FASN: variants seen among roughly 807,000 people sequenced by gnomAD.
FASN encodes fatty acid synthase, also known as 3-hydroxyacyl-[acyl-carrier-protein] dehydratase.
A neutral mutation model predicts 250.0 loss-of-function variants in FASN; 50 were observed. The ratio of observed to expected loss-of-function variants is 0.20; its 90% CI spans 0.16 to 0.25. The LOEUF (loss-of-function observed/expected upper bound fraction) is 0.25. FASN is among the 10% of genes least tolerant of loss of function. The pLI is 1.00. For missense variants in FASN, 3,031 were observed against 3,498.5 expected, an observed-to-expected ratio of 0.87 and a Z score of 3.37; for synonymous variants, 1,909 against 1,584.0, an observed-to-expected ratio of 1.21 and a Z score of -4.87.
At chr17:82,089,574 C>A in intron 12 of FASN, 58 bp downstream of exon 12, 1 of 1,554,688 alleles carries the variant, frequency 6.4e-7, no homozygotes, top group Admixed American at 1.9e-5. Flanking sequence ...GTGTCCCTGC[C>A]AGACTTGCAA....
In FASN at chr17:82,082,999, A is replaced by T. The variant is rs2034018912; in HGVS notation, c.5682T>A (p.Gly1894=). The change falls in exon 33 of 43, where the codon GGT becomes GGA. Residue 1894 remains glycine (G), a synonymous_variant. Coordinates refer to ENST00000306749, the MANE Select transcript of FASN (RefSeq NM_004104.5). ...HKSYIIAGGL[G]GFGLELAQWL... ...ACTGCGCCAACTCCAGGCCGAAGCC[A>T]CCCAGACCACCAGCGATGATGTAGC... 2 of 1,612,882 alleles carry T rather than the reference A, an allele frequency of 1.2e-6. No individual in the cohort carries two copies. The highest frequency in any genetic ancestry group is 4.5e-5 in the East Asian group (2 of 44,872).
In FASN at chr17:82,083,331, C is replaced by G; in HGVS notation, c.5436G>C (p.Ala1812=). The G allele has an allele frequency of 6.2e-7, 1 of 1,612,654 alleles. No homozygotes were observed. The highest frequency in any genetic ancestry group is 8.5e-7 in the Non-Finnish European group (1 of 1,179,970). The part of the protein sequence containing the change: ...ESSADWREVW[A]LVQAGIRDGV... ...CATCCCGGATGCCGGCCTGCACAAG[C>G]GCCCACACCTCCCGCCAGTCAGCAC... is the stretch of plus-strand genomic sequence containing the variant. The change falls in exon 32 of 43, where the codon GCG becomes GCC. Residue 1812 remains alanine (A), a synonymous_variant. Transcript: ENST00000306749.
At position 82,084,218 on chromosome 17, in the gene FASN, C is replaced by T. The variant is rs1363758245; in HGVS notation, c.4919+16G>A. Reference sequence around the variant, plus strand: ...CATCCACGTGGGGCCCAGGCTCACACCCTCGACACACTCACCAGTTGGAAG... The same window carrying T: ...CATCCACGTGGGGCCCAGGCTCACATCCTCGACACACTCACCAGTTGGAAG... On this transcript the variant is annotated intron_variant, in intron 28 of 42. Coordinates refer to ENST00000306749, the MANE Select transcript of FASN (RefSeq NM_004104.5). The T allele has an allele frequency of 1.9e-6, 3 of 1,610,926 alleles. No homozygotes were observed. The highest frequency in any genetic ancestry group is 1.7e-5 in the Admixed American group (1 of 59,832).
chr17:82,080,014 G>A (rs993757477), intron 41 of FASN, 126 bp downstream of exon 41: 22 of 1,055,130 alleles, frequency 2.1e-5, no homozygotes, highest in Admixed American at 5.4e-5. Flanking sequence ...GGCCGGGATC[G>A]GCTATTAAAG....
chr17:82,084,698 G>C lies in FASN; in HGVS notation c.4583C>G (p.Thr1528Arg). ...LLEEDKPEEP[T>R]AHAFVSTLTR... ...GAGGGTGCTCACAAAGGCATGTGCC[G>C]TCGGCTCCTCAGGCTTGTCTAGGGA... The change falls in exon 27 of 43, where the codon ACG becomes AGG. Residue 1528 changes from threonine (T) to arginine (R), a missense_variant. By Grantham distance (71) the Thr-to-Arg change is moderately conservative. Transcript: ENST00000306749. The C allele has an allele frequency of 6.4e-7, 1 of 1,568,874 alleles. No individual in the cohort carries two copies. Among genetic ancestry groups the C allele is most frequent in the South Asian group, 1.2e-5 (1 of 85,938 alleles).
chr17:82,080,323 G>T, intron 40 of FASN, 47 bp downstream of exon 40: 1 of 1,609,794 alleles, frequency 6.2e-7, no homozygotes, highest in Non-Finnish European at 8.5e-7. Context: ...CACAGGTGGG[G>T]AGCCCAGACG....
chr17:82,085,407 G>C lies in FASN; in HGVS notation c.4123-5C>G. Reference sequence around the variant, plus strand: ...GAAGAGGCTCTCCCACGCGTCCTGTGGGGGCGGTGGTCAGCACCCTGCCCG... The same window carrying C: ...GAAGAGGCTCTCCCACGCGTCCTGTCGGGGCGGTGGTCAGCACCCTGCCCG... On this transcript the variant is annotated splice_polypyrimidine_tract_variant and splice_region_variant and intron_variant, in intron 23 of 42. Transcript: ENST00000306749. The C allele has an allele frequency of 6.2e-7, 1 of 1,608,704 alleles. No homozygotes were observed. The highest frequency in any genetic ancestry group is 8.5e-7 in the Non-Finnish European group (1 of 1,178,386).
rs770062026 is a variant in FASN at position 82,084,613 on chromosome 17, G to A, written c.4668C>T (p.Pro1556=). The A allele has an allele frequency of 1.9e-6, 3 of 1,608,446 alleles. No individual in the cohort carries two copies. The highest frequency in any genetic ancestry group is 2.5e-6 in the Non-Finnish European group (3 of 1,178,202). ...WVCSSLRHAQ[P]TCPGAQLCTV... ...TGCAGAGCTGGGCGCCAGGGCAGGTGGGCTGGGCATGGCGCAGCGAGGAGC... is the reference window on the plus strand; with the variant it reads ...TGCAGAGCTGGGCGCCAGGGCAGGTAGGCTGGGCATGGCGCAGCGAGGAGC... The change falls in exon 27 of 43, where the codon CCC becomes CCT. Residue 1556 remains proline (P), a synonymous_variant. Transcript: ENST00000306749.
chr17:82,091,900 C>T (rs993942304), intron 8 of FASN, among the ~76,000 whole-genome samples: 17 of 152,208 alleles, frequency 1.1e-4, no homozygotes, highest in African/African-American at 2.9e-4. Flanking sequence ...CCTCCCCTTC[C>T]GGCCTTGCTG....
Position 82,085,118 on chromosome 17 carries a change from C to A in FASN, c.4326G>T (p.Trp1442Cys). Residue 1442 changes from tryptophan (W) to cysteine (C), a missense_variant, in exon 25 of 43, where the codon TGG (tryptophan) becomes TGT (cysteine). Coordinates refer to ENST00000306749, the MANE Select transcript of FASN (RefSeq NM_004104.5). ...AGGTGGCACAGTTGATGGCCTTCAG[C>A]CACACAGGCCGGGAAGAGTCTTCGT... is the stretch of plus-strand genomic sequence containing the variant. The part of the protein sequence containing the change: ...LADEDSSRPV[W>C]LKAINCATSG... 1 of 1,612,660 alleles carries A rather than the reference C, an allele frequency of 6.2e-7. No homozygotes were observed. The highest frequency in any genetic ancestry group is 8.5e-7 in the Non-Finnish European group (1 of 1,179,924).
In FASN at chr17:82,082,176, T is replaced by A; in HGVS notation, c.6012-16A>T. ...TCGGGTCACCCTGTGGGCACGCGTG[T>A]CACTCCCCATTGGCCAGCATCCCCA... On this transcript the variant is annotated splice_polypyrimidine_tract_variant and intron_variant, in intron 35 of 42. Coordinates refer to ENST00000306749, the MANE Select transcript of FASN (RefSeq NM_004104.5). 1 of 1,601,476 alleles carries A rather than the reference T, an allele frequency of 6.2e-7. No homozygotes were observed. Among genetic ancestry groups the A allele is most frequent in the Non-Finnish European group, 8.5e-7 (1 of 1,179,890 alleles).
chr17:82,098,015 C>T, intron 1 of FASN, 106 bp downstream of exon 1: 1 of 307,256 alleles, frequency 3.3e-6, no homozygotes, highest in Non-Finnish European at 6.0e-6. Flanking sequence ...GGGGCCGGGC[C>T]ACGCGCGCCC....
chr17:82,089,315 C>A lies in FASN; in HGVS notation c.2035G>T (p.Gly679Cys), dbSNP rs747822458. Reference protein sequence around the residue: ...GVFAKEVRTGGMAFHSYFMEA... With the variant: ...GVFAKEVRTGCMAFHSYFMEA... ...ATGAAGTAGGAGTGGAAGGCCATACCGCCGGTCCGCACCTCCTTGGCAAAC... is the reference window on the plus strand; with the variant it reads ...ATGAAGTAGGAGTGGAAGGCCATACAGCCGGTCCGCACCTCCTTGGCAAAC... The change falls in exon 13 of 43, where the codon GGT becomes TGT. Residue 679 changes from glycine (G) to cysteine (C), a missense_variant. Gly to Cys is a radical substitution (Grantham distance 159). Transcript: ENST00000306749. The A allele has an allele frequency of 6.2e-7, 1 of 1,612,784 alleles. No homozygotes were observed. The highest frequency in any genetic ancestry group is 8.5e-7 in the Non-Finnish European group (1 of 1,179,988).
Position 82,098,188 on chromosome 17 carries a change from T to TGAAGCGCGGCGGAGAGGGAGGCC in FASN, c.-98_-76dup, listed in dbSNP as rs2034336386. On this transcript the variant is annotated 5_prime_UTR_variant, in exon 1 of 43. Coordinates refer to ENST00000306749, the MANE Select transcript of FASN (RefSeq NM_004104.5). Reference sequence around the variant, plus strand: ...GCTGGAGCGCGGCGGAGCGGGAGGCTGAAGCGCGGCGGAGAGGGAGGCCGG... The same window carrying TGAAGCGCGGCGGAGAGGGAGGCC: ...GCTGGAGCGCGGCGGAGCGGGAGGCTGAAGCGCGGCGGAGAGGGAGGCCGAAGCGCGGCGGAGAGGGAGGCCGG... The TGAAGCGCGGCGGAGAGGGAGGCC allele has an allele frequency of 2.8e-6, 1 of 363,114 alleles. No individual in the cohort carries two copies. The allele number at this position is 363,114 out of a possible 1,614,324, so 22.5% of individuals were successfully genotyped here.
At chr17:82,094,714 A>G (rs2034274334) in intron 3 of FASN, among the ~76,000 whole-genome samples, 1 of 151,826 alleles carries the variant, frequency 6.6e-6, no homozygotes, top group Non-Finnish European at 1.5e-5. Context: ...GTGTGAACCC[A>G]GGAGGCAGAG....
Position 82,084,910 on chromosome 17 carries a change from C to T in FASN, c.4453G>A (p.Glu1485Lys), listed in dbSNP as rs868545947. 1 of 1,552,150 alleles carries T rather than the reference C, an allele frequency of 6.4e-7. No homozygotes were observed. Among genetic ancestry groups the T allele is most frequent in the Non-Finnish European group, 8.7e-7 (1 of 1,147,820 alleles). The change falls in exon 26 of 43, where the codon GAG becomes AAG. Residue 1485 changes from glutamate (E) to lysine (K), a missense_variant. Physicochemically the swap from Glu to Lys is moderately conservative, Grantham distance 56. Coordinates refer to ENST00000306749, the MANE Select transcript of FASN (RefSeq NM_004104.5). ...AGTTCTGCGGAGCCCGGGTCCACCT[C>T]CGGGACGTGGGAGGTGCTGCTGAGG... The part of the protein sequence containing the change: ...SNLSSTSHVP[E>K]VDPGSAELQK...
chr17:82,079,361 G>A lies in FASN; in HGVS notation c.7394C>T (p.Ser2465Phe). 1 of 1,613,056 alleles carries A rather than the reference G, an allele frequency of 6.2e-7. No individual in the cohort carries two copies. The highest frequency in any genetic ancestry group is 8.5e-7 in the Non-Finnish European group (1 of 1,179,994). The part of the protein sequence containing the change: ...GEDLGADYNL[S>F]QVCDGKVSVH... ...CCCGTCAGGCCCCTTGCGCACCTGG[G>A]AGAGGTTGTAGTCCGCGCCCAGGTC... Residue 2465 changes from serine to phenylalanine, a missense_variant, in exon 42 of 43, where the codon TCC becomes TTC. Coordinates refer to ENST00000306749, the MANE Select transcript of FASN (RefSeq NM_004104.5).
Position 82,080,227 on chromosome 17 carries a change from T to C in FASN, c.7059A>G (p.Ala2353=). ...CAGCCTCACAGCCTGGGGTCAGCTT[T>C]GCCCGGTAGCTCTGAGAGGAAGGAG... ...YVLAYTQSYR[A]KLTPGCEAEA... is the part of the protein sequence containing the mutation. The change falls in exon 41 of 43, where the codon GCA becomes GCG. Residue 2353 remains alanine (A), a synonymous_variant. Transcript: ENST00000306749. 1 of 1,613,102 alleles carries C rather than the reference T, an allele frequency of 6.2e-7. No individual in the cohort carries two copies. The highest frequency in any genetic ancestry group is 8.5e-7 in the Non-Finnish European group (1 of 1,180,012).
At chr17:82,083,926 G>T (rs1192376379) in intron 29 of FASN, 35 bp from the exon 30 acceptor site, 1 of 1,550,694 alleles carries the variant, frequency 6.4e-7, no homozygotes, top group East Asian at 2.4e-5. Context: ...GGTGAGCCAG[G>T]GCGGCGGGGC....
Sources: allele counts gnomAD v4.1 joint callset (sites outside exome capture counted in the v4.1 genomes callset), GRCh38; gene constraint gnomAD v4.1.1; transcripts MANE v1.5; gene names NCBI Gene and HGNC (gene_info 2026-07-23, HGNC 2026-07-21).